Variants in CHMP1A observed in about 807,000 individuals in gnomAD.
CHMP1A encodes the protein charged multivesicular body protein 1A, also known as VPS46 homolog A.
Under a neutral mutation model 27.0 loss-of-function variants are expected in CHMP1A, and 17 were observed. The ratio of observed to expected loss-of-function variants is 0.63; its 90% CI spans 0.43 to 0.95. CHMP1A has a LOEUF of 0.95. Ranked by LOEUF, CHMP1A falls within the 40% of genes least tolerant of loss-of-function variation. The pLI is 0.00. For synonymous variants in CHMP1A, 131 were observed against 107.5 expected, an observed-to-expected ratio of 1.22 and a Z score of -1.35; for missense variants, 275 against 264.0, an observed-to-expected ratio of 1.04 and a Z score of -0.29.
intron 1 of CHMP1A, among the ~76,000 whole-genome samples, chr16:89,654,868 G>T (rs1047069758): frequency 6.6e-6 from 1 of 151,996 alleles, no homozygotes; most frequent in South Asian, 2.1e-4. Context: ...GCGTGAACCC[G>T]GGAGGCAGAG....
At chr16:89,655,481 T>C (rs945889724) in intron 1 of CHMP1A, among the ~76,000 whole-genome samples, 87 of 151,772 alleles carry the variant, frequency 5.7e-4, no homozygotes, top group African/African-American at 2.0e-3. Flanking sequence ...CACCTCAGCT[T>C]TCCTCACCTC....
Position 89,651,558 on chromosome 16 carries a change from C to T in CHMP1A, c.105+11G>A, listed in dbSNP as rs760130264. 1 of 1,613,248 alleles carries T rather than the reference C, an allele frequency of 6.2e-7. No homozygotes were observed. Among genetic ancestry groups the T allele is most frequent in the East Asian group, 2.2e-5 (1 of 44,878 alleles). ...AGGAGAGTCATGACCCCACAGCCCC[C>T]AGGGTCTCACCTTCTTCACTTTGGC... On this transcript the variant is annotated intron_variant, in intron 3 of 6. Transcript: ENST00000397901.
intron 6 of CHMP1A, 55 bp downstream of exon 6, chr16:89,646,472 C>G (rs1319996768): frequency 6.7e-7 from 1 of 1,484,294 alleles, no homozygotes; most frequent in Non-Finnish European, 9.1e-7. Context: ...TCTCTCCCTT[C>G]CCACAGCACC....
chr16:89,656,163 G>A (rs1454378798), intron 1 of CHMP1A, among the ~76,000 whole-genome samples: 2 of 152,206 alleles, frequency 1.3e-5, no homozygotes, highest in Admixed American at 6.5e-5. Context: ...TTGAGACGGA[G>A]TCTCGCTCTG....
chr16:89,650,405 C>G (rs983299221), intron 3 of CHMP1A, among the ~76,000 whole-genome samples: 1 of 152,180 alleles, frequency 6.6e-6, no homozygotes, highest in African/African-American at 2.4e-5. Context: ...TGGAGAGGCA[C>G]CCCTGTAAGC....
At chr16:89,657,317 G>T (rs1465516398) in intron 1 of CHMP1A, among the ~76,000 whole-genome samples, 1 of 150,440 alleles carries the variant, frequency 6.6e-6, no homozygotes, top group East Asian at 2.0e-4. Context: ...GGGTATCGGG[G>T]GACGAGGCTC....
At chr16:89,657,449 C>A in intron 1 of CHMP1A, 133 bp downstream of exon 1, 1 of 1,137,096 alleles carries the variant, frequency 8.8e-7, no homozygotes, top group Non-Finnish European at 1.3e-6. Context: ...GGATGGGGTC[C>A]CGGGGGATCG....
intron 6 of CHMP1A, 90 bp from the exon 7 acceptor site, chr16:89,646,177 TC>T: frequency 5.7e-6 from 7 of 1,225,330 alleles, no homozygotes; most frequent in Non-Finnish European, 7.9e-6. Context: ...CTTTTCCTCC[TC>T]AGTGTCCTGA....
intron 5 of CHMP1A, 26 bp downstream of exon 5, chr16:89,647,177 C>T (rs778912864): frequency 6.2e-7 from 1 of 1,605,278 alleles, no homozygotes; most frequent in Non-Finnish European, 8.5e-7. Context: ...CCCCAGGCCA[C>T]AGCCCCAAGG....
intron 1 of CHMP1A, among the ~76,000 whole-genome samples, chr16:89,654,721 A>T (rs258334): frequency 0.49 from 74,015 of 151,942 alleles, 19,898 homozygotes; most frequent in East Asian, 0.8. Flanking sequence ...GGCCGGCGGA[A>T]CATGAGGTCA....
chr16:89,651,462 G>T, intron 3 of CHMP1A, 107 bp downstream of exon 3: 1 of 826,668 alleles, frequency 1.2e-6, no homozygotes, highest in Non-Finnish European at 2.0e-6. Flanking sequence ...AAAGTGCCCT[G>T]CCCCTCCCCA....
chr16:89,656,043 A>G (rs375934376), intron 1 of CHMP1A, among the ~76,000 whole-genome samples: 1 of 152,008 alleles, frequency 6.6e-6, no homozygotes, highest in African/African-American at 2.4e-5. Flanking sequence ...GGCGGGAGGT[A>G]GATGTTATCT....
intron 1 of CHMP1A, among the ~76,000 whole-genome samples, chr16:89,657,314 G>C (rs1002319282): frequency 6.6e-6 from 1 of 150,632 alleles, no homozygotes; most frequent in Admixed American, 6.6e-5. Flanking sequence ...GTCGGGTATC[G>C]GGGGACGAGG....
chr16:89,653,587 C>T (rs2059841576), intron 2 of CHMP1A, among the ~76,000 whole-genome samples: 1 of 138,016 alleles, frequency 7.2e-6, no homozygotes, highest in Admixed American at 7.9e-5. Flanking sequence ...CACGCCAATG[C>T]ACTCCAGCCT....
At position 89,645,850 on chromosome 16, in the gene CHMP1A, A is replaced by G. The variant is rs1368358989; in HGVS notation, c.*216T>C. On this transcript the variant is annotated 3_prime_UTR_variant, in exon 7 of 7. Coordinates refer to ENST00000397901, the MANE Select transcript of CHMP1A (RefSeq NM_002768.5). ...CAGAGTCACAGAAATCACCCCCAGA[A>G]ATTTGCAGAAACTCAACACCAGGAC... 1.3e-5 allele frequency: 20 copies of G among 1,487,758 alleles called. No individual in the cohort carries two copies. The highest frequency in any genetic ancestry group is 1.8e-5 in the Non-Finnish European group (20 of 1,107,042). 92.2% of individuals were successfully genotyped at this position (1,487,758 alleles called of 1,614,324 possible).
intron 2 of CHMP1A, among the ~76,000 whole-genome samples, 189 bp from the exon 3 acceptor site, chr16:89,651,835 G>A (rs1183528004): frequency 6.6e-6 from 1 of 152,244 alleles, no homozygotes; most frequent in Admixed American, 6.5e-5. Context: ...GGCGGCGAGA[G>A]ATGGCACCAG....
At chr16:89,646,240 C>A (rs1362636681) in intron 6 of CHMP1A, among the ~76,000 whole-genome samples, 153 bp from the exon 7 acceptor site, 1 of 152,204 alleles carries the variant, frequency 6.6e-6, no homozygotes, top group Non-Finnish European at 1.5e-5. Flanking sequence ...CCCACTCTTA[C>A]CTGATCTGTT....
chr16:89,656,515 A>G (rs941087787), intron 1 of CHMP1A, among the ~76,000 whole-genome samples: 1 of 152,250 alleles, frequency 6.6e-6, no homozygotes, highest in African/African-American at 2.4e-5. Context: ...TCATTTTGCC[A>G]GATTCTTCCT....
At chr16:89,654,325 T>C (rs188083615) in intron 1 of CHMP1A, among the ~76,000 whole-genome samples, 1 of 152,360 alleles carries the variant, frequency 6.6e-6, no homozygotes, top group Admixed American at 6.5e-5. Context: ...TCTTTCCCAA[T>C]TTAAAAGTTC....
Sources: allele counts gnomAD v4.1 joint callset (sites outside exome capture counted in the v4.1 genomes callset), GRCh38; gene constraint gnomAD v4.1.1; transcripts MANE v1.5; gene names NCBI Gene and HGNC (gene_info 2026-07-23, HGNC 2026-07-21).